Variants in DOK6 observed in about 807,000 individuals in gnomAD.
DOK6 encodes docking protein 6, also known as downstream of tyrosine kinase 6.
Under a neutral mutation model 44.0 loss-of-function variants are expected in DOK6, and 22 were observed. The observed-to-expected ratio is 0.50, with a 90% CI of 0.36 to 0.71. DOK6 has a LOEUF of 0.71. DOK6 is among the 30% of genes least tolerant of loss of function. The pLI, the probability that DOK6 is intolerant of heterozygous loss-of-function variation, is 0.00. For synonymous variants in DOK6, 166 were observed against 145.5 expected (o/e 1.14, Z -1.01); for missense variants, 340 against 416.4 (o/e 0.82, Z 1.60).
intron 2 of DOK6, among the ~76,000 whole-genome samples, chr18:69,593,855 T>G (rs780462482): frequency 6.6e-6 from 1 of 152,204 alleles, no homozygotes; most frequent in Non-Finnish European, 1.5e-5. Flanking sequence ...TGTAATGTAG[T>G]TTAACAGTAT....
intron 1 of DOK6, among the ~76,000 whole-genome samples, chr18:69,494,828 G>A (rs1445952586): frequency 1.3e-5 from 2 of 152,084 alleles, no homozygotes; most frequent in African/African-American, 4.8e-5. Context: ...GGATCCTTGG[G>A]GTGACGCATT....
At chr18:69,743,975 C>T (rs1401126442) in intron 6 of DOK6, among the ~76,000 whole-genome samples, 1 of 152,138 alleles carries the variant, frequency 6.6e-6, no homozygotes, top group Non-Finnish European at 1.5e-5. Context: ...GCCTTAAAAA[C>T]ATCATCAGTG....
chr18:69,463,050 G>T (rs912209413), intron 1 of DOK6, among the ~76,000 whole-genome samples: 1 of 152,036 alleles, frequency 6.6e-6, no homozygotes, highest in Non-Finnish European at 1.5e-5. Flanking sequence ...ACATCAATTG[G>T]GTTGCTTATG....
intron 1 of DOK6, among the ~76,000 whole-genome samples, chr18:69,414,194 A>G (rs1688431548): frequency 1.3e-5 from 2 of 152,084 alleles, no homozygotes; most frequent in South Asian, 4.1e-4. Flanking sequence ...TTTCTTGACA[A>G]CCTACATATG....
At chr18:69,710,498 C>T (rs554135626) in intron 5 of DOK6, among the ~76,000 whole-genome samples, 4 of 152,288 alleles carry the variant, frequency 2.6e-5, no homozygotes, top group African/African-American at 9.6e-5. Context: ...TTTGCTAATA[C>T]GTCTCAGGTT....
chr18:69,609,613 G>A (rs1274545481), intron 3 of DOK6, among the ~76,000 whole-genome samples: 2 of 152,124 alleles, frequency 1.3e-5, no homozygotes, highest in African/African-American at 4.8e-5. Context: ...AAAACAATAT[G>A]GAAGTTCCTC....
intron 1 of DOK6, among the ~76,000 whole-genome samples, chr18:69,531,637 G>A (rs553538433): frequency 4.0e-5 from 6 of 151,874 alleles, no homozygotes; most frequent in African/African-American, 9.7e-5. Context: ...CTCATTGTAC[G>A]TTCATTCCTT....
chr18:69,762,994 T>G (rs1264968823), intron 7 of DOK6, among the ~76,000 whole-genome samples: 2 of 152,196 alleles, frequency 1.3e-5, no homozygotes, highest in Non-Finnish European at 2.9e-5. Context: ...CTTTTTACCC[T>G]TTCCTGTGCT....
chr18:69,509,637 CAAAAA>C (rs1183367298), intron 1 of DOK6, among the ~76,000 whole-genome samples: 2 of 33,990 alleles, frequency 5.9e-5, no homozygotes, highest in Admixed American at 7.5e-4. Context: ...GGCTCTGTCT[CAAAAA>C]AAAAAAAAAA....
At chr18:69,467,535 C>T (rs1275353624) in intron 1 of DOK6, among the ~76,000 whole-genome samples, 1 of 151,982 alleles carries the variant, frequency 6.6e-6, no homozygotes, top group African/African-American at 2.4e-5. Context: ...CATAGTTATC[C>T]AAGGAAATAC....
At chr18:69,759,034 C>G (rs867453553) in intron 7 of DOK6, among the ~76,000 whole-genome samples, 2 of 152,112 alleles carry the variant, frequency 1.3e-5, no homozygotes, top group Admixed American at 6.6e-5. Flanking sequence ...TTACTGAAGG[C>G]AATTACATTT....
At chr18:69,497,883 G>C (rs1231526260) in intron 1 of DOK6, among the ~76,000 whole-genome samples, 2 of 152,040 alleles carry the variant, frequency 1.3e-5, no homozygotes, top group Non-Finnish European at 2.9e-5. Flanking sequence ...TCACTACGTT[G>C]GGAAGGTGAC....
At chr18:69,595,385 T>C (rs1334843248) in intron 2 of DOK6, among the ~76,000 whole-genome samples, 2 of 152,196 alleles carry the variant, frequency 1.3e-5, no homozygotes, top group Non-Finnish European at 2.9e-5. Context: ...CCATTAATTG[T>C]TGGTCTTTCT....
At chr18:69,485,493 G>A (rs1980549547) in intron 1 of DOK6, among the ~76,000 whole-genome samples, 2 of 152,114 alleles carry the variant, frequency 1.3e-5, no homozygotes, top group South Asian at 4.1e-4. Flanking sequence ...AGGCAAGAGG[G>A]CATAGGATAT....
intron 1 of DOK6, among the ~76,000 whole-genome samples, chr18:69,414,472 A>G (rs1190796931): frequency 1.3e-5 from 2 of 152,112 alleles, no homozygotes; most frequent in Non-Finnish European, 2.9e-5. Flanking sequence ...CCAATCATCA[A>G]ATGTTACATA....
At chr18:69,403,652 CT>C (rs11336250) in intron 1 of DOK6, among the ~76,000 whole-genome samples, 11,287 of 151,466 alleles carry the variant, frequency 0.075, 1,343 homozygotes, top group African/African-American at 0.25. Context: ...ATTTTGGGAA[CT>C]TTTTTTTTAA....
At chr18:69,751,779 A>C (rs545543537) in intron 6 of DOK6, among the ~76,000 whole-genome samples, 1 of 152,262 alleles carries the variant, frequency 6.6e-6, no homozygotes, top group African/African-American at 2.4e-5. Flanking sequence ...CTGAGGTGGG[A>C]GAATTACTTG....
At chr18:69,497,788 TA>T (rs1379920611) in intron 1 of DOK6, among the ~76,000 whole-genome samples, 1 of 152,152 alleles carries the variant, frequency 6.6e-6, no homozygotes, top group Non-Finnish European at 1.5e-5. Context: ...AAAACAGTGT[TA>T]AAATTAAAAC....
chr18:69,830,415 C>T (rs141748889), intron 7 of DOK6, among the ~76,000 whole-genome samples: 1 of 152,162 alleles, frequency 6.6e-6, no homozygotes, highest in East Asian at 1.9e-4. Context: ...AACTGGTGTT[C>T]TTATAAGAAA....
Sources: allele counts gnomAD v4.1 joint callset (sites outside exome capture counted in the v4.1 genomes callset), GRCh38; gene constraint gnomAD v4.1.1; transcripts MANE v1.5; gene names NCBI Gene and HGNC (gene_info 2026-07-23, HGNC 2026-07-21).